PDE4B: variants seen among roughly 807,000 people sequenced by gnomAD.
PDE4B encodes the protein phosphodiesterase 4B.
A neutral mutation model predicts 82.2 loss-of-function variants in PDE4B; 20 were observed. The observed-to-expected ratio is 0.24, with a 90% CI of 0.17 to 0.35. The LOEUF (loss-of-function observed/expected upper bound fraction) is 0.35. Among genes scored for constraint, PDE4B ranks in the 10% least tolerant of loss-of-function variants. The pLI, the probability that PDE4B is intolerant of heterozygous loss-of-function variation, is 1.00. For synonymous variants in PDE4B, 320 were observed against 318.9 expected (o/e 1.00, Z -0.04); for missense variants, 655 against 907.2 (o/e 0.72, Z 3.57).
intron 7 of PDE4B, among the ~76,000 whole-genome samples, chr1:66,308,147 A>G (rs1215742583): frequency 6.6e-6 from 1 of 152,178 alleles, no homozygotes; most frequent in Non-Finnish European, 1.5e-5. Context: ...CGTTGCCTCC[A>G]GTAGCCAGGA....
rs143471733 is a variant in PDE4B at position 66,321,651 on chromosome 1, C to T, written c.635-10857C>T. 2.0e-3 allele frequency among the ~76,000 whole-genome samples: 300 copies of T among 152,184 alleles called. 1 individual carries two copies. The highest frequency in any genetic ancestry group is 6.7e-3 in the African/African-American group (280 of 41,530). Reference sequence around the variant, plus strand: ...GACCTCTTCAAGGAGAACTACAAACCACTGCTCAAAGAAATAAAAGAGGAC... The same window carrying T: ...GACCTCTTCAAGGAGAACTACAAACTACTGCTCAAAGAAATAAAAGAGGAC... On this transcript the variant is annotated intron_variant, in intron 7 of 16. Transcript: ENST00000341517.
At chr1:66,069,268 T>A (rs868416244) in intron 3 of PDE4B, among the ~76,000 whole-genome samples, 3 of 151,980 alleles carry the variant, frequency 2.0e-5, no homozygotes, top group South Asian at 2.1e-4. Flanking sequence ...AAGCATGTCT[T>A]TCTCTGAGCA....
intron 8 of PDE4B, among the ~76,000 whole-genome samples, chr1:66,346,281 A>T (rs563715414): frequency 3.9e-5 from 6 of 152,342 alleles, no homozygotes; most frequent in African/African-American, 1.4e-4. Flanking sequence ...TCTGAGCAAA[A>T]TGCATACTTG....
intron 8 of PDE4B, among the ~76,000 whole-genome samples, chr1:66,345,851 C>G (rs1661356414): frequency 6.6e-6 from 1 of 152,196 alleles, no homozygotes; most frequent in Admixed American, 6.5e-5. Flanking sequence ...TATTCCTACC[C>G]TTCTCTTTCA....
chr1:66,237,528 C>T (rs1158729347), intron 3 of PDE4B, among the ~76,000 whole-genome samples: 1 of 152,176 alleles, frequency 6.6e-6, no homozygotes, highest in African/African-American at 2.4e-5. Context: ...CTCCCTAGAG[C>T]TCTGCTTGAA....
chr1:65,979,888 G>C (rs1221200529), intron 3 of PDE4B, among the ~76,000 whole-genome samples: 1 of 152,172 alleles, frequency 6.6e-6, no homozygotes, highest in Non-Finnish European at 1.5e-5. Flanking sequence ...ATGGCAGAGA[G>C]TGAGTGACAG....
chr1:66,143,813 C>A (rs1429874912), intron 3 of PDE4B, among the ~76,000 whole-genome samples: 2 of 152,162 alleles, frequency 1.3e-5, no homozygotes, highest in African/African-American at 4.8e-5. Context: ...GCCCTGCACC[C>A]TTCTTTCTAC....
chr1:65,967,501 A>C (rs1186648483), intron 3 of PDE4B, among the ~76,000 whole-genome samples: 13 of 152,176 alleles, frequency 8.5e-5, no homozygotes, highest in Non-Finnish European at 1.3e-4. Flanking sequence ...ATCTAGAACT[A>C]GAAATACCAT....
intron 3 of PDE4B, among the ~76,000 whole-genome samples, chr1:66,151,724 T>A (rs185248097): frequency 5.3e-5 from 8 of 152,350 alleles, no homozygotes; most frequent in Admixed American, 2.6e-4. Context: ...TCTGTCTGTT[T>A]CTCACCTATT....
rs1645590913 is a variant in PDE4B, at chr1:65,793,106, C to T, written c.-213C>T. On this transcript the variant is annotated 5_prime_UTR_variant, in exon 1 of 17. Coordinates refer to ENST00000341517, the MANE Select transcript of PDE4B (RefSeq NM_002600.4). ...CTCCGGGCAGACTTTCGTCCCCCAC[C>T]CCCGGGAGCGCGGAAGGCTCACTCG... 6.6e-6 allele frequency: 1 copy of T among 152,120 alleles called. No individual in the cohort carries two copies. Among genetic ancestry groups the T allele is most frequent in the African/African-American group, 2.4e-5 (1 of 41,418 alleles). The allele number at this position is 152,120 out of a possible 1,614,324, so 9.4% of individuals were successfully genotyped here. A position where few individuals can be genotyped will look rare whatever the true frequency, so the allele number is the denominator to read the frequency against.
chr1:65,844,369 G>C (rs1646244947), intron 1 of PDE4B, among the ~76,000 whole-genome samples: 1 of 152,188 alleles, frequency 6.6e-6, no homozygotes, highest in Non-Finnish European at 1.5e-5. Context: ...TAGTGCGCAT[G>C]GAAGTGTTTG....
At position 66,374,030 on chromosome 1, in the gene PDE4B, A is replaced by C. The variant is rs925265867; in HGVS notation, c.*1352A>C. ...GGGCAATGGGATGTAGTTTTTACCC[A>C]GGTTCTATCCAAATCTATGTGGGCA... On this transcript the variant is annotated 3_prime_UTR_variant, in exon 17 of 17. Transcript: ENST00000341517. 23 of 152,790 alleles carry C rather than the reference A, an allele frequency of 1.5e-4. No homozygotes were observed. The highest frequency in any genetic ancestry group is 4.8e-4 in the African/African-American group (20 of 41,590). The allele number at this position is 152,790 out of a possible 1,614,324, so 9.5% of individuals were successfully genotyped here.
intron 1 of PDE4B, among the ~76,000 whole-genome samples, chr1:65,852,979 A>G (rs1293488367): frequency 6.6e-6 from 1 of 152,044 alleles, no homozygotes; most frequent in Admixed American, 6.6e-5. Context: ...AGAGAAGAGT[A>G]TTGAATTATC....
At chr1:65,934,267 A>G (rs919029831) in intron 3 of PDE4B, among the ~76,000 whole-genome samples, 7 of 152,128 alleles carry the variant, frequency 4.6e-5, no homozygotes, top group Admixed American at 3.9e-4. Flanking sequence ...TAGACAACAT[A>G]GCAAGACCCT....
chr1:66,165,737 A>C (rs537792502), intron 3 of PDE4B, among the ~76,000 whole-genome samples: 1 of 152,298 alleles, frequency 6.6e-6, no homozygotes, highest in Non-Finnish European at 1.5e-5. Flanking sequence ...AAGAATAATT[A>C]AGGAAGACCT....
intron 7 of PDE4B, among the ~76,000 whole-genome samples, chr1:66,315,575 C>T (rs1223933099): frequency 6.6e-6 from 1 of 152,146 alleles, no homozygotes; most frequent in Admixed American, 6.5e-5. Context: ...CCTGCCTCAG[C>T]CTCCTGAGTA....
chr1:65,957,868 A>G (rs2100588378), intron 3 of PDE4B, among the ~76,000 whole-genome samples: 1 of 152,238 alleles, frequency 6.6e-6, no homozygotes, highest in Non-Finnish European at 1.5e-5. Flanking sequence ...TGACATTACA[A>G]CCAGCTGTTT....
At chr1:66,081,834 G>C (rs9436313) in intron 3 of PDE4B, among the ~76,000 whole-genome samples, 1,846 of 93,248 alleles carry the variant, frequency 0.02, 30 homozygotes, top group African/African-American at 0.069. Context: ...CTCTCTCTCT[G>C]TGTGTGTGTG....
At chr1:66,265,949 G>C (rs1047316079) in intron 6 of PDE4B, 89 bp from the exon 7 acceptor site, 18 of 928,418 alleles carry the variant, frequency 1.9e-5, no homozygotes, top group Admixed American at 1.6e-4. Context: ...ACCTGGAAAA[G>C]TCCTCAGTAA....
Sources: allele counts gnomAD v4.1 joint callset (sites outside exome capture counted in the v4.1 genomes callset), GRCh38; gene constraint gnomAD v4.1.1; transcripts MANE v1.5; gene names NCBI Gene and HGNC (gene_info 2026-07-23, HGNC 2026-07-21).